IL1RAPL1: variants seen among roughly 807,000 people sequenced by gnomAD.
IL1RAPL1 encodes the protein interleukin-1 receptor accessory protein-like 1.
Under a neutral mutation model 48.4 loss-of-function variants are expected in IL1RAPL1, and 3 were observed. The observed-to-expected ratio is 0.06, with a 90% confidence interval of 0.03 to 0.16. The LOEUF (loss-of-function observed/expected upper bound fraction) is 0.16, where lower values mean the gene tolerates loss of function less well. IL1RAPL1 is among the 10% of genes least tolerant of loss of function. The probability of loss-of-function intolerance (pLI) is 1.00; values close to 1 mark genes in which losing one functional copy is unlikely to be tolerated. For missense variants in IL1RAPL1, 349 were observed against 530.6 expected (o/e 0.66, Z 3.36); for synonymous variants, 185 against 187.7 (o/e 0.99, Z 0.12).
At chrX:29,862,989 A>AAG (rs1931621640) in intron 6 of IL1RAPL1, among the ~76,000 whole-genome samples, 1 of 106,736 alleles carries the variant, frequency 9.4e-6, no homozygotes, top group Admixed American at 1.0e-4. Flanking sequence ...AAAAAAAAAA[A>AAG]GGCTAGAGAA....
chrX:28,816,799 T>G (rs1453494523), intron 2 of IL1RAPL1, among the ~76,000 whole-genome samples: 1 of 110,684 alleles, frequency 9.0e-6, no homozygotes, highest in Non-Finnish European at 1.9e-5. Flanking sequence ...CTGCTTGAAG[T>G]TCTTTGAGAT....
chrX:29,448,107 A>G (rs1272796047), intron 5 of IL1RAPL1, among the ~76,000 whole-genome samples: 2 of 111,950 alleles, frequency 1.8e-5, no homozygotes, highest in Non-Finnish European at 3.8e-5. Context: ...GTCATAGGAG[A>G]GACTGAAAGT....
chrX:29,769,434 T>G (rs1179102620), intron 6 of IL1RAPL1, among the ~76,000 whole-genome samples: 1 of 49,140 alleles, frequency 2.0e-5, no homozygotes, highest in Non-Finnish European at 3.8e-5. Flanking sequence ...ACAGTTTTTT[T>G]TTTTTTTTTT....
At chrX:29,422,853 G>A (rs1000715089) in intron 5 of IL1RAPL1, among the ~76,000 whole-genome samples, 4 of 111,482 alleles carry the variant, frequency 3.6e-5, no homozygotes, top group African/African-American at 6.5e-5. Context: ...ACAACCAACA[G>A]AATGGACCCC....
chrX:29,788,092 C>T (rs1929543029), intron 6 of IL1RAPL1, among the ~76,000 whole-genome samples: 1 of 90,632 alleles, frequency 1.1e-5, no homozygotes, highest in East Asian at 4.1e-4. Flanking sequence ...TGGAAGAAAC[C>T]ATGATTTAAA....
At chrX:29,508,102 T>G (rs779488562) in intron 5 of IL1RAPL1, among the ~76,000 whole-genome samples, 1 of 112,110 alleles carries the variant, frequency 8.9e-6, no homozygotes, top group South Asian at 3.7e-4. Flanking sequence ...TTCTACTGTT[T>G]TTTTTAATAC....
At chrX:29,905,932 GAATTGTAAATGGAGACAA>G (rs1932604348) in intron 6 of IL1RAPL1, among the ~76,000 whole-genome samples, 2 of 111,332 alleles carry the variant, frequency 1.8e-5, no homozygotes, top group East Asian at 5.6e-4. Context: ...ATGTTGAGAT[GAATTGTAAATGGAGACAA>G]AATTGTTTTT....
In IL1RAPL1 at chrX:29,704,070, G is replaced by A. The variant is rs5971674; in HGVS notation, c.778+35566G>A. Among the ~76,000 whole-genome samples the A allele has an allele frequency of 4.5e-3, 500 of 110,177 alleles. 4 individuals carry two copies. Among genetic ancestry groups the A allele is most frequent in the African/African-American group, 0.016 (473 of 30,123 alleles). ...TCCAAGTAGCTATTACTACAGGCAC[G>A]CACTATAATACCTGGCTAATTTTTA... On this transcript the variant is annotated intron_variant, in intron 6 of 10. Coordinates refer to ENST00000378993, the MANE Select transcript of IL1RAPL1 (RefSeq NM_014271.4).
intron 2 of IL1RAPL1, among the ~76,000 whole-genome samples, chrX:29,279,157 G>T (rs1172867110): frequency 1.8e-5 from 2 of 112,304 alleles, no homozygotes; most frequent in African/African-American, 6.5e-5. Context: ...ATTTTATGCA[G>T]GCCGGGCTTG....
At chrX:29,885,875 G>A (rs1308687588) in intron 6 of IL1RAPL1, among the ~76,000 whole-genome samples, 1 of 111,603 alleles carries the variant, frequency 9.0e-6, no homozygotes, top group Non-Finnish European at 1.9e-5. Context: ...GAAAATTCAA[G>A]CAGTCACAAT....
chrX:29,738,044 A>G (rs972518306), intron 6 of IL1RAPL1, among the ~76,000 whole-genome samples: 1 of 112,220 alleles, frequency 8.9e-6, no homozygotes. Flanking sequence ...CAAAGTGAAT[A>G]TTATCCATTT....
At chrX:29,233,299 G>T (rs1931233577) in intron 2 of IL1RAPL1, among the ~76,000 whole-genome samples, 1 of 110,387 alleles carries the variant, frequency 9.1e-6, no homozygotes, top group African/African-American at 3.3e-5. Context: ...TCTTCTCCAG[G>T]ATCCTGCTGG....
intron 5 of IL1RAPL1, among the ~76,000 whole-genome samples, chrX:29,621,515 T>A (rs994960401): frequency 2.7e-5 from 3 of 111,316 alleles, no homozygotes; most frequent in African/African-American, 9.7e-5. Flanking sequence ...CAATAAAATA[T>A]TGAAAATTAA....
intron 1 of IL1RAPL1, among the ~76,000 whole-genome samples, chrX:28,666,767 C>T (rs1231602303): frequency 1.8e-5 from 2 of 111,779 alleles, no homozygotes; most frequent in South Asian, 3.7e-4. Flanking sequence ...TTTATTTTTG[C>T]TGTCACCTGG....
chrX:29,339,100 A>ACACACG (rs1198917645), intron 3 of IL1RAPL1, among the ~76,000 whole-genome samples: 4 of 109,157 alleles, frequency 3.7e-5, no homozygotes, highest in African/African-American at 1.4e-4. Flanking sequence ...ACACACACAC[A>ACACACG]CACACACACA....
At chrX:29,810,760 G>T (rs1930364929) in intron 6 of IL1RAPL1, among the ~76,000 whole-genome samples, 1 of 110,688 alleles carries the variant, frequency 9.0e-6, no homozygotes, top group Non-Finnish European at 1.9e-5. Flanking sequence ...TGTTTCTTAG[G>T]TGTTTCTAAT....
rs150727062 is a variant in IL1RAPL1 at position 29,942,705 on chromosome X, C to T, written c.1201+911C>T. Among the ~76,000 whole-genome samples the T allele has an allele frequency of 5.5e-3, 599 of 108,926 alleles. 5 individuals carry two copies. Among genetic ancestry groups the T allele is most frequent in the African/African-American group, 0.019 (579 of 29,822 alleles). The allele number at this position is 108,926 out of a possible 115,157, so 94.6% of individuals were successfully genotyped here. A position where few individuals can be genotyped will look rare whatever the true frequency, so the allele number is the denominator to read the frequency against. On this transcript the variant is annotated intron_variant, in intron 9 of 10. Coordinates refer to ENST00000378993, the MANE Select transcript of IL1RAPL1 (RefSeq NM_014271.4). The stretch of plus-strand genomic sequence containing the variant: ...CGCGATCTCAGCTCACTGCAACCTC[C>T]GCCTCCCGGGTTCAAGCGATCCTCC...
chrX:29,252,772 G>A (rs1931688200), intron 2 of IL1RAPL1, among the ~76,000 whole-genome samples: 1 of 111,299 alleles, frequency 9.0e-6, no homozygotes, highest in Non-Finnish European at 1.9e-5. Flanking sequence ...TACAAACGCA[G>A]TGCTTTTTTA....
intron 2 of IL1RAPL1, among the ~76,000 whole-genome samples, chrX:28,943,764 C>T (rs757723706): frequency 1.8e-5 from 2 of 110,856 alleles, no homozygotes; most frequent in African/African-American, 6.5e-5. Context: ...GAAATGCACT[C>T]AGTACTTTAA....
Sources: gnomAD v4.1 joint callset for allele counts (sites outside exome capture counted in the v4.1 genomes callset) on GRCh38, gnomAD v4.1.1 for gene constraint, MANE v1.5 for transcripts, NCBI Gene and HGNC (gene_info 2026-07-23, HGNC 2026-07-21) for gene names.